MYT1L: variants seen among roughly 807,000 people sequenced by gnomAD.
The protein encoded by MYT1L is myelin transcription factor 1-like protein.
Under a neutral mutation model 126.7 loss-of-function variants are expected in MYT1L, and 12 were observed. That is an observed-to-expected ratio of 0.09 (90% CI 0.06 to 0.15). MYT1L has a LOEUF of 0.15. MYT1L is among the 10% of genes least tolerant of loss of function. The pLI, the probability that MYT1L is intolerant of heterozygous loss-of-function variation, is 1.00. For synonymous variants in MYT1L, 541 were observed against 604.2 expected (o/e 0.90, Z 1.53); for missense variants, 979 against 1,585.2 (o/e 0.62, Z 6.49).
chr2:2,160,617 C>T (rs2087711128), intron 3 of MYT1L, among the ~76,000 whole-genome samples: 1 of 152,114 alleles, frequency 6.6e-6, no homozygotes, highest in Admixed American at 6.5e-5. Flanking sequence ...GAATGGGAGG[C>T]AACCAGACAT....
At chr2:2,107,052 T>TC (rs1374382811) in intron 3 of MYT1L, among the ~76,000 whole-genome samples, 2 of 152,170 alleles carry the variant, frequency 1.3e-5, no homozygotes, top group Non-Finnish European at 2.9e-5. Context: ...CACATCTGTC[T>TC]CCCACAGCTG....
At chr2:2,290,747 C>T (rs529844697) in intron 1 of MYT1L, among the ~76,000 whole-genome samples, 1 of 152,318 alleles carries the variant, frequency 6.6e-6, no homozygotes, top group South Asian at 2.1e-4. Flanking sequence ...GCACTGACCC[C>T]TGCCTGCAGA....
Position 1,838,340 on chromosome 2 carries a change from A to T in MYT1L, c.3080+809T>A, listed in dbSNP as rs371382996. Reference sequence around the variant, plus strand: ...GTCACCTATTACTGAACATGCCATTATTCCTGTAATCTGCATACCCCTTTG... The same window carrying T: ...GTCACCTATTACTGAACATGCCATTTTTCCTGTAATCTGCATACCCCTTTG... On this transcript the variant is annotated intron_variant, in intron 21 of 24. Coordinates refer to ENST00000647738, the MANE Select transcript of MYT1L (RefSeq NM_001303052.2). 1.5e-3 allele frequency among the ~76,000 whole-genome samples: 223 copies of T among 152,320 alleles called. 3 individuals carry two copies. Among genetic ancestry groups the T allele is most frequent in the African/African-American group, 5.1e-3 (213 of 41,568 alleles).
At chr2:2,104,364 A>T (rs1168576014) in intron 3 of MYT1L, among the ~76,000 whole-genome samples, 1 of 152,258 alleles carries the variant, frequency 6.6e-6, no homozygotes, top group Non-Finnish European at 1.5e-5. Context: ...ATAGCATGGT[A>T]CTGCAGTCAA....
intron 4 of MYT1L, among the ~76,000 whole-genome samples, chr2:2,014,792 A>G (rs2064203157): frequency 6.6e-6 from 1 of 152,244 alleles, no homozygotes; most frequent in African/African-American, 2.4e-5. Context: ...GCTGAAGTGG[A>G]GCAGGCAGGT....
At chr2:2,044,858 T>C (rs2067982445) in intron 4 of MYT1L, among the ~76,000 whole-genome samples, 1 of 152,206 alleles carries the variant, frequency 6.6e-6, no homozygotes, top group South Asian at 2.1e-4. Flanking sequence ...TATTTTGGGA[T>C]GCAAGCCCTG....
intron 5 of MYT1L, among the ~76,000 whole-genome samples, chr2:1,994,762 AT>A: frequency 6.6e-6 from 1 of 152,366 alleles, no homozygotes; most frequent in South Asian, 2.1e-4. Flanking sequence ...GGTAAAAAAA[AT>A]TTAAAATTAA....
chr2:1,964,360 T>C (rs983203669), intron 8 of MYT1L, among the ~76,000 whole-genome samples: 2 of 152,214 alleles, frequency 1.3e-5, no homozygotes, highest in African/African-American at 4.8e-5. Context: ...GCGAGAATTA[T>C]TGAAACGTGG....
chr2:1,938,353 T>C (rs1051206009), intron 9 of MYT1L, among the ~76,000 whole-genome samples: 4 of 152,168 alleles, frequency 2.6e-5, no homozygotes, highest in Non-Finnish European at 4.4e-5. Context: ...GATCTGATAA[T>C]AGAAAAATCT....
At chr2:1,803,457 T>A (rs1337250797) in intron 22 of MYT1L, among the ~76,000 whole-genome samples, 6 of 152,252 alleles carry the variant, frequency 3.9e-5, no homozygotes, top group Non-Finnish European at 8.8e-5. Context: ...GAATTCATGA[T>A]AAATGTCAAA....
chr2:2,236,887 C>T (rs1238789099), intron 2 of MYT1L, among the ~76,000 whole-genome samples: 1 of 150,450 alleles, frequency 6.6e-6, no homozygotes, highest in African/African-American at 2.4e-5. Flanking sequence ...GATCTCGGCT[C>T]ACTGTAACCT....
chr2:1,792,663 A>G (rs1473689512), intron 23 of MYT1L, among the ~76,000 whole-genome samples, 199 bp from the exon 24 acceptor site: 1 of 152,150 alleles, frequency 6.6e-6, no homozygotes, highest in Non-Finnish European at 1.5e-5. Context: ...TGAGGTCAGG[A>G]ATTCAAGACC....
intron 2 of MYT1L, among the ~76,000 whole-genome samples, chr2:2,273,701 T>C (rs1573036930): frequency 6.6e-6 from 1 of 152,000 alleles, no homozygotes; most frequent in African/African-American, 2.4e-5. Context: ...CAGCGGGAGG[T>C]ACCCAGCTGT....
At chr2:1,827,869 T>G (rs970150916) in intron 21 of MYT1L, 7 of 152,010 alleles carry the variant, frequency 4.6e-5, no homozygotes, top group African/African-American at 7.3e-5. Flanking sequence ...CTCACTGTAC[T>G]TCCCCCACAC....
intron 1 of MYT1L, among the ~76,000 whole-genome samples, chr2:2,301,190 A>G (rs2095778713): frequency 6.6e-6 from 1 of 152,086 alleles, no homozygotes; most frequent in African/African-American, 2.4e-5. Context: ...TGTGCAGCTC[A>G]GTGTTTCACC....
At chr2:1,925,667 G>A (rs1197157134) in intron 9 of MYT1L, among the ~76,000 whole-genome samples, 1 of 152,174 alleles carries the variant, frequency 6.6e-6, no homozygotes, top group African/African-American at 2.4e-5. Context: ...ACCGTCTGGA[G>A]ACCGGCAGAA....
intron 18 of MYT1L, among the ~76,000 whole-genome samples, chr2:1,866,976 GA>G (rs1573014396): frequency 5.1e-5 from 7 of 137,524 alleles, no homozygotes; most frequent in African/African-American, 1.9e-4. Context: ...AGAGGGAGGA[GA>G]GAGAGAGAGA....
At chr2:2,179,474 T>C (rs901732868) in intron 2 of MYT1L, among the ~76,000 whole-genome samples, 14 of 152,338 alleles carry the variant, frequency 9.2e-5, no homozygotes, top group African/African-American at 3.4e-4. Context: ...TGGATGCCTC[T>C]GACCAAGAAT....
intron 8 of MYT1L, among the ~76,000 whole-genome samples, chr2:1,960,873 G>A (rs945708260): frequency 6.6e-5 from 10 of 151,906 alleles, no homozygotes; most frequent in African/African-American, 1.9e-4. Context: ...CTCCCGCAGT[G>A]CACCCGCCTC....
Sources: gnomAD v4.1 joint callset for allele counts (sites outside exome capture counted in the v4.1 genomes callset) on GRCh38, gnomAD v4.1.1 for gene constraint, MANE v1.5 for transcripts, NCBI Gene and HGNC (gene_info 2026-07-23, HGNC 2026-07-21) for gene names.